DSCAML1: variants seen among roughly 807,000 people sequenced by gnomAD.
DSCAML1 encodes the protein DS cell adhesion molecule like 1, also known as cell adhesion molecule DSCAML1.
In DSCAML1, 38 loss-of-function variants were observed where a neutral mutation model predicts 200.5. The observed-to-expected ratio is 0.19, with a 90% CI of 0.15 to 0.25. The LOEUF (loss-of-function observed/expected upper bound fraction) is 0.25, where lower values mean the gene tolerates loss of function less well. DSCAML1 is among the 10% of genes least tolerant of loss of function. The probability of loss-of-function intolerance (pLI) is 1.00; values close to 1 mark genes in which losing one functional copy is unlikely to be tolerated. For missense variants in DSCAML1, 2,223 were observed against 2,858.8 expected (o/e 0.78, Z 5.07); for synonymous variants, 1,215 against 1,165.0 (o/e 1.04, Z -0.87).
chr11:117,739,611 C>T (rs2054384939), intron 3 of DSCAML1, among the ~76,000 whole-genome samples: 1 of 152,224 alleles, frequency 6.6e-6, no homozygotes, highest in Admixed American at 6.5e-5. Flanking sequence ...GCTATTTACC[C>T]ACTAGAACCC....
intron 3 of DSCAML1, among the ~76,000 whole-genome samples, chr11:117,673,578 A>G (rs2053153601): frequency 6.6e-6 from 1 of 152,170 alleles, no homozygotes; most frequent in Non-Finnish European, 1.5e-5. Context: ...AATCAGAGAG[A>G]TGAAGGTTTA....
At chr11:117,660,904 T>C (rs1455612111) in intron 3 of DSCAML1, among the ~76,000 whole-genome samples, 1 of 152,218 alleles carries the variant, frequency 6.6e-6, no homozygotes, top group Non-Finnish European at 1.5e-5. Context: ...TATCACATTA[T>C]ATACACTGCT....
At chr11:117,530,430 T>C (rs1349540929) in intron 4 of DSCAML1, among the ~76,000 whole-genome samples, 1 of 152,158 alleles carries the variant, frequency 6.6e-6, no homozygotes, top group East Asian at 1.9e-4. Flanking sequence ...CCCCGTCATT[T>C]TGAGGCGAGC....
At chr11:117,453,752 T>TC (rs1429392146) in intron 19 of DSCAML1, among the ~76,000 whole-genome samples, 7 of 149,640 alleles carry the variant, frequency 4.7e-5, no homozygotes, top group South Asian at 2.1e-4. Flanking sequence ...CTTTCTTTTT[T>TC]TTTTTTTTTT....
intron 8 of DSCAML1, among the ~76,000 whole-genome samples, chr11:117,507,917 A>G (rs2049535047): frequency 6.6e-6 from 1 of 152,084 alleles, no homozygotes; most frequent in African/African-American, 2.4e-5. Flanking sequence ...GGCCTTAGAC[A>G]TCTTCAGATA....
In DSCAML1 at chr11:117,758,011, A is replaced by G. The variant is rs2054726537; in HGVS notation, c.511+18780T>C. ...CCTCAAAAAGCAAAAACAAACAAAC[A>G]AACAAAAATGGTCAGGCATGGTGGC... is the stretch of plus-strand genomic sequence containing the variant. On this transcript the variant is annotated intron_variant, in intron 3 of 32. Coordinates refer to ENST00000651296, the MANE Select transcript of DSCAML1 (RefSeq NM_020693.4). Among the ~76,000 whole-genome samples, 17 of 151,830 alleles carry G rather than the reference A, an allele frequency of 1.1e-4. No homozygotes were observed. The South Asian group carries it at 3.5e-3, about 32-fold the overall frequency.
At position 117,521,233 on chromosome 11, in the gene DSCAML1, C is replaced by T. The variant is rs751762566; in HGVS notation, c.1110G>A (p.Thr370=). The T allele has an allele frequency of 5.6e-6, 9 of 1,614,186 alleles. No homozygotes were observed. The highest frequency in any genetic ancestry group is 2.2e-5 in the East Asian group (1 of 44,886). Reference sequence around the variant, plus strand: ...TCTTCTGGGCCGAGGTGATGAGCAGCGTCTCGTTGCTGAGCCCGCGGATGG... The same window carrying T: ...TCTTCTGGGCCGAGGTGATGAGCAGTGTCTCGTTGCTGAGCCCGCGGATGG... The part of the protein sequence containing the change: ...AISIRGLSNE[T]LLITSAQKSH... The change falls in exon 6 of 33, where the codon ACG becomes ACA. Residue 370 remains threonine (T), a synonymous_variant. Transcript: ENST00000651296.
At chr11:117,457,816 A>G (rs895172653) in intron 19 of DSCAML1, among the ~76,000 whole-genome samples, 5 of 152,120 alleles carry the variant, frequency 3.3e-5, no homozygotes, top group African/African-American at 1.2e-4. Flanking sequence ...TTTGGGTAGG[A>G]TCTAGACTCT....
At chr11:117,567,743 C>A (rs1023512924) in intron 3 of DSCAML1, among the ~76,000 whole-genome samples, 3 of 152,088 alleles carry the variant, frequency 2.0e-5, no homozygotes, top group Non-Finnish European at 4.4e-5. Flanking sequence ...AGCTTACCAA[C>A]CAAAAAGAGT....
intron 1 of DSCAML1, among the ~76,000 whole-genome samples, chr11:117,791,709 T>A (rs2055470731): frequency 6.6e-6 from 1 of 152,210 alleles, no homozygotes; most frequent in African/African-American, 2.4e-5. Context: ...TGGCCACTAC[T>A]CTGTCTTTCT....
At chr11:117,461,722 G>T in intron 17 of DSCAML1, 126 bp from the exon 18 acceptor site, 3 of 824,892 alleles carry the variant, frequency 3.6e-6, no homozygotes, top group South Asian at 1.7e-5. Context: ...CAAGTGGGGG[G>T]ACCTCCTGAC....
intron 3 of DSCAML1, among the ~76,000 whole-genome samples, chr11:117,584,066 C>T (rs1170136066): frequency 1.3e-5 from 2 of 152,068 alleles, no homozygotes; most frequent in Non-Finnish European, 2.9e-5. Context: ...CCACCCCCTC[C>T]TCTCCTACCC....
At chr11:117,555,959 G>A (rs985946645) in intron 3 of DSCAML1, among the ~76,000 whole-genome samples, 22 of 150,662 alleles carry the variant, frequency 1.5e-4, no homozygotes, top group African/African-American at 5.1e-4. Flanking sequence ...GGCGGGGGAG[G>A]AGGGGGAAGA....
chr11:117,549,864 G>A (rs2050439125), intron 3 of DSCAML1, among the ~76,000 whole-genome samples: 1 of 152,194 alleles, frequency 6.6e-6, no homozygotes, highest in Admixed American at 6.5e-5. Flanking sequence ...ATGTACATCA[G>A]CCATGCCAGC....
At chr11:117,613,822 G>A (rs2051750791) in intron 3 of DSCAML1, among the ~76,000 whole-genome samples, 1 of 152,182 alleles carries the variant, frequency 6.6e-6, no homozygotes, top group Non-Finnish European at 1.5e-5. Flanking sequence ...CAGGGTTGGG[G>A]GTGTGGGAGC....
chr11:117,714,761 G>A (rs1435865897), intron 3 of DSCAML1, among the ~76,000 whole-genome samples: 8 of 149,172 alleles, frequency 5.4e-5, no homozygotes, highest in South Asian at 2.1e-4. Flanking sequence ...GGTGGAGGTC[G>A]CAGTGAACCG....
At chr11:117,435,575 G>T (rs661789) in intron 27 of DSCAML1, 69 bp downstream of exon 27, 1,503,114 of 1,505,524 alleles carry the variant, frequency 1, 750,383 homozygotes, top group Non-Finnish European at 1. Context: ...TGTGAGCCAG[G>T]GAAGGGGGGG....
At chr11:117,582,328 G>A (rs2051053872) in intron 3 of DSCAML1, among the ~76,000 whole-genome samples, 1 of 152,144 alleles carries the variant, frequency 6.6e-6, no homozygotes, top group South Asian at 2.1e-4. Flanking sequence ...GCTGGGGAAG[G>A]CAGGCTTGGA....
chr11:117,532,514 A>T lies in DSCAML1; in HGVS notation c.520T>A (p.Phe174Ile), dbSNP rs1482289638. The T allele has an allele frequency of 1.2e-6, 2 of 1,613,356 alleles. No homozygotes were observed. The highest frequency in any genetic ancestry group is 1.7e-6 in the Non-Finnish European group (2 of 1,179,730). The stretch of plus-strand genomic sequence containing the variant: ...AGCCCGCCGTGGTAGGTAATAAAAA[A>T]CCTGTGTTCTGGAGACACAATCAGG... ...DTVSIIPEHR[F>I]FITYHGGLYI... The change falls in exon 4 of 33, where the codon TTT becomes ATT. Residue 174 changes from phenylalanine (F) to isoleucine (I), a missense_variant. By Grantham distance (21) the Phe-to-Ile change is conservative (BLOSUM62 0). Coordinates refer to ENST00000651296, the MANE Select transcript of DSCAML1 (RefSeq NM_020693.4).
Sources: gnomAD v4.1 joint callset for allele counts (sites outside exome capture counted in the v4.1 genomes callset) on GRCh38, gnomAD v4.1.1 for gene constraint, MANE v1.5 for transcripts, NCBI Gene and HGNC (gene_info 2026-07-23, HGNC 2026-07-21) for gene names.